NFKBIZ: variants seen among roughly 807,000 people sequenced by gnomAD.
NFKBIZ encodes NF-kappa-B inhibitor zeta.
A neutral mutation model predicts 76.8 loss-of-function variants in NFKBIZ; 19 were observed. The ratio of observed to expected loss-of-function variants is 0.25; its 90% CI spans 0.17 to 0.36. The LOEUF is 0.36. Ranked by LOEUF, NFKBIZ falls within the 10% of genes least tolerant of loss-of-function variation. NFKBIZ has a pLI of 1.00. For synonymous variants in NFKBIZ, 368 were observed against 354.8 expected, an observed-to-expected ratio of 1.04 and a Z score of -0.42; for missense variants, 829 against 910.9, an observed-to-expected ratio of 0.91 and a Z score of 1.16.
intron 1 of NFKBIZ, among the ~76,000 whole-genome samples, chr3:101,851,573 C>T (rs565393838): frequency 7.9e-5 from 12 of 152,250 alleles, no homozygotes; most frequent in African/African-American, 2.4e-4. Context: ...CTTAGGTAAG[C>T]GGAATTGATA....
In NFKBIZ at chr3:101,852,935, G is replaced by A. The variant is rs147835661; in HGVS notation, c.510G>A (p.Ser170=). Residue 170 remains serine (S), a synonymous_variant, in exon 4 of 12, where the codon TCG becomes TCA. Coordinates refer to ENST00000326172, the MANE Select transcript of NFKBIZ (RefSeq NM_031419.4). The part of the protein sequence containing the change: ...SYSGKRKGPD[S]LSDGPACKRP... ...GTGGGAAAAGGAAAGGGCCCGATTC[G>A]TTGTCTGATGGACCTGCTTGCAAAA... 3.8e-5 allele frequency: 61 copies of A among 1,614,048 alleles called. No individual in the cohort carries two copies. The highest frequency in any genetic ancestry group is 1.6e-4 in the Middle Eastern group (1 of 6,082).
In NFKBIZ at chr3:101,855,813, C is replaced by T. The variant is rs752386605; in HGVS notation, c.1735C>T (p.Pro579Ser). The change falls in exon 9 of 12, where the codon CCT becomes TCT. Residue 579 changes from proline to serine, a missense_variant. Coordinates refer to ENST00000326172, the MANE Select transcript of NFKBIZ (RefSeq NM_031419.4). ...ELQRNQQPHS[P>S]EVQELLLKNK... is the part of the protein sequence containing the mutation. ...CCAGAGAAATCAACAGCCTCATTCA[C>T]CTGAAGTTCAGGAGCTTTTACTGAA... 4 of 1,614,060 alleles carry T rather than the reference C, an allele frequency of 2.5e-6. 1 individual carries two copies. In the South Asian group the frequency reaches 4.4e-5, roughly 18 times the overall value.
intron 2 of NFKBIZ, among the ~76,000 whole-genome samples, chr3:101,838,246 C>G (rs1284512804): frequency 3.3e-5 from 5 of 152,142 alleles, no homozygotes; most frequent in Non-Finnish European, 5.9e-5. Flanking sequence ...AAGTACTTGA[C>G]ATACATTGTA....
Position 101,849,546 on chromosome 3 carries a change from T to C in NFKBIZ, c.-83T>C, listed in dbSNP as rs1205079585. The stretch of plus-strand genomic sequence containing the variant: ...CCCGCGCCGTCCGCCCGCCGACAGC[T>C]CCCTGAGCCAGCCCGGGAGGCAGCC... On this transcript the variant is annotated 5_prime_UTR_variant, in exon 1 of 12. Coordinates refer to ENST00000326172, the MANE Select transcript of NFKBIZ (RefSeq NM_031419.4). 1.7e-6 allele frequency: 2 copies of C among 1,202,324 alleles called. No individual in the cohort carries two copies. Among genetic ancestry groups the C allele is most frequent in the South Asian group, 2.7e-5 (1 of 36,446 alleles). 74.5% of individuals were successfully genotyped at this position (1,202,324 alleles called of 1,614,324 possible).
intron 2 of NFKBIZ, among the ~76,000 whole-genome samples, chr3:101,838,110 G>C (rs1405199567): frequency 6.6e-6 from 1 of 152,118 alleles, no homozygotes; most frequent in Non-Finnish European, 1.5e-5. Flanking sequence ...TGTCCAACCT[G>C]TAATCTATCA....
intron 11 of NFKBIZ, chr3:101,857,933 C>A: frequency 1.2e-6 from 1 of 862,030 alleles, no homozygotes; most frequent in Non-Finnish European, 1.4e-6. Flanking sequence ...TGAAGTGATA[C>A]TGAACAAAAA....
intron 2 of NFKBIZ, among the ~76,000 whole-genome samples, chr3:101,842,175 G>C (rs1942793117): frequency 1.3e-5 from 2 of 152,264 alleles, no homozygotes; most frequent in South Asian, 2.1e-4. Context: ...GTCAGGAAAG[G>C]CTCCAGAAGT....
chr3:101,857,031 G>A, intron 9 of NFKBIZ, 42 bp from the exon 10 acceptor site: 1 of 1,358,414 alleles, frequency 7.4e-7, no homozygotes, highest in Non-Finnish European at 1.0e-6. Flanking sequence ...CATAGTATCT[G>A]GATTTTTTTT....
At chr3:101,831,855 G>A (rs553130249) in intron 2 of NFKBIZ, among the ~76,000 whole-genome samples, 1 of 152,178 alleles carries the variant, frequency 6.6e-6, no homozygotes, top group East Asian at 1.9e-4. Flanking sequence ...TGCCAGGCTA[G>A]TCTTGAACTC....
chr3:101,852,089 G>A lies in NFKBIZ; in HGVS notation c.294G>A (p.Glu98=), dbSNP rs1478154207. 1.2e-6 allele frequency: 2 copies of A among 1,613,556 alleles called. No individual in the cohort carries two copies. The highest frequency in any genetic ancestry group is 2.2e-5 in the East Asian group (1 of 44,886). ...GGARAERQPV[E]PHMGVGRQQR... is the part of the protein sequence containing the mutation. ...GTTTTGTTTTCTTTTGAACAGTTGA[G>A]CCCCATATGGGGGTTGGCAGGCAGC... is the stretch of plus-strand genomic sequence containing the variant. Residue 98 remains glutamate, a synonymous_variant, in exon 2 of 12, where the codon GAG becomes GAA. Transcript: ENST00000326172.
Position 101,828,236 on chromosome 3 carries a change from T to A in NFKBIZ, c.-88+52T>A, listed in dbSNP as rs186748975. On this transcript the variant is annotated intron_variant, in intron 1 of 12. Transcript: ENST00000394054. ...TTAAAATATCTTAAATGGTAAGATT[T>A]TTTTTTTCTTTTTCTTTCCTATTCC... 13 of 152,326 alleles carry A rather than the reference T, an allele frequency of 8.5e-5. No homozygotes were observed. The East Asian group carries it at 2.5e-3, about 29-fold the overall frequency. 9.4% of individuals were successfully genotyped at this position (152,326 alleles called of 1,614,324 possible).
intron 2 of NFKBIZ, among the ~76,000 whole-genome samples, chr3:101,836,622 C>T (rs894899050): frequency 6.6e-6 from 1 of 152,130 alleles, no homozygotes; most frequent in Non-Finnish European, 1.5e-5. Context: ...TTTCTATAAT[C>T]AATATAATTT....
intron 1 of NFKBIZ, among the ~76,000 whole-genome samples, chr3:101,851,656 C>T (rs1468580225): frequency 6.6e-6 from 1 of 152,158 alleles, no homozygotes; most frequent in Non-Finnish European, 1.5e-5. Context: ...ATCACTTGCT[C>T]CCCAAAGTTT....
In NFKBIZ at chr3:101,855,093, A is replaced by G. The variant is rs749963288; in HGVS notation, c.1475A>G (p.Gln492Arg). The change falls in exon 7 of 12, where the codon CAG becomes CGG. Residue 492 changes from glutamine (Q) to arginine (R), a missense_variant. Coordinates refer to ENST00000326172, the MANE Select transcript of NFKBIZ (RefSeq NM_031419.4). ...TTTCAGGTGGCAGTGGCTGCCAATC[A>G]GCATCTCATTGTGCAGGATCTGGTG... ...SAFQVAVAAN[Q>R]HLIVQDLVNI... The G allele has an allele frequency of 6.2e-6, 10 of 1,610,844 alleles. No homozygotes were observed. In the Admixed American group the frequency reaches 1.7e-4, roughly 27 times the overall value.
upstream of NFKBIZ, chr3:101,849,413 C>G (rs1423125161): frequency 8.1e-6 from 3 of 370,804 alleles, no homozygotes; most frequent in African/African-American, 2.1e-5. Flanking sequence ...GGAGGAGGGG[C>G]TGGGAGGCGG....
intron 2 of NFKBIZ, among the ~76,000 whole-genome samples, chr3:101,840,169 A>G (rs1942770115): frequency 6.6e-6 from 1 of 152,218 alleles, no homozygotes; most frequent in African/African-American, 2.4e-5. Flanking sequence ...ATATGTGTGG[A>G]AATGAAACTT....
At chr3:101,855,326 T>C (rs1234027564) in intron 7 of NFKBIZ, 69 bp from the exon 8 acceptor site, 1 of 1,606,956 alleles carries the variant, frequency 6.2e-7, no homozygotes, top group African/African-American at 1.3e-5. Flanking sequence ...CTTATTCATT[T>C]CTTGGGGATT....
intron 2 of NFKBIZ, among the ~76,000 whole-genome samples, chr3:101,838,591 G>A (rs542126277): frequency 2.0e-5 from 3 of 152,344 alleles, no homozygotes; most frequent in African/African-American, 7.2e-5. Context: ...TTAGGTGACA[G>A]CTGTGCAATA....
intron 2 of NFKBIZ, among the ~76,000 whole-genome samples, chr3:101,843,336 G>T (rs1168919159): frequency 6.6e-6 from 1 of 152,124 alleles, no homozygotes; most frequent in Non-Finnish European, 1.5e-5. Flanking sequence ...CTAGCTACTG[G>T]GGAGACTGAG....
Sources: gnomAD v4.1 joint callset for allele counts (sites outside exome capture counted in the v4.1 genomes callset) on GRCh38, gnomAD v4.1.1 for gene constraint, MANE v1.5 for transcripts, NCBI Gene and HGNC (gene_info 2026-07-23, HGNC 2026-07-21) for gene names.